TAF4: variants seen among roughly 807,000 people sequenced by gnomAD.
TAF4 encodes transcription initiation factor TFIID subunit 4.
A neutral mutation model predicts 90.3 loss-of-function variants in TAF4; 9 were observed. That is an observed-to-expected ratio of 0.10 (90% CI 0.06 to 0.17). TAF4 has a LOEUF of 0.17. Among genes scored for constraint, TAF4 ranks in the 10% least tolerant of loss-of-function variants. The pLI is 1.00. For synonymous variants in TAF4, 818 were observed against 638.9 expected, an observed-to-expected ratio of 1.28 and a Z score of -4.23; for missense variants, 1,351 against 1,370.7, an observed-to-expected ratio of 0.99 and a Z score of 0.23.
At chr20:62,047,104 T>C (rs780974581) in intron 1 of TAF4, among the ~76,000 whole-genome samples, 63 of 152,354 alleles carry the variant, frequency 4.1e-4, no homozygotes, top group Non-Finnish European at 6.9e-4. Context: ...TTCATGCTAC[T>C]TGTATCCTAG....
intron 1 of TAF4, among the ~76,000 whole-genome samples, chr20:62,029,870 C>A (rs1282752336): frequency 2.0e-5 from 3 of 152,170 alleles, no homozygotes; most frequent in African/African-American, 4.8e-5. Context: ...CGCGCCACTG[C>A]ACTCCAGCCT....
At chr20:61,980,559 G>C (rs1197656482) in intron 14 of TAF4, 1 of 152,324 alleles carries the variant, frequency 6.6e-6, no homozygotes, top group Admixed American at 6.5e-5. Context: ...CACAAGGCCA[G>C]GTCACTGGCA....
Position 62,000,634 on chromosome 20 carries a change from T to C in TAF4, c.2574A>G (p.Glu858=), listed in dbSNP as rs780506896. The C allele has an allele frequency of 1.1e-5, 18 of 1,614,274 alleles. No individual in the cohort carries two copies. In the Admixed American group the frequency reaches 2.8e-4, roughly 25 times the overall value. Residue 858 remains glutamate, a synonymous_variant, in exon 10 of 15, where the codon GAA becomes GAG. Transcript: ENST00000252996. The part of the protein sequence containing the change: ...ESARILATNS[E]LVGTLTRSCK... ...AGGACCGCGTTAGCGTGCCCACCAA[T>C]TCAGAGTTCGTGGCTAATATTCTTG...
chr20:61,990,543 G>A (rs2055624975), intron 14 of TAF4, among the ~76,000 whole-genome samples: 3 of 152,152 alleles, frequency 2.0e-5, no homozygotes, highest in Admixed American at 6.5e-5. Context: ...GGACCCCGAC[G>A]GGCCTGGACC....
chr20:62,013,947 G>A, intron 2 of TAF4, among the ~76,000 whole-genome samples: 1 of 146,696 alleles, frequency 6.8e-6, no homozygotes, highest in East Asian at 2.0e-4. Flanking sequence ...GTGTGTGTGT[G>A]TGTGAATCCG....
intron 11 of TAF4, 76 bp downstream of exon 11, chr20:62,000,048 G>T: frequency 6.2e-7 from 1 of 1,600,112 alleles, no homozygotes; most frequent in Non-Finnish European, 8.6e-7. Flanking sequence ...GCCTCGGTGT[G>T]GGGAGGAGGC....
At chr20:62,055,183 C>T (rs936246718) in intron 1 of TAF4, among the ~76,000 whole-genome samples, 6 of 147,382 alleles carry the variant, frequency 4.1e-5, no homozygotes, top group Non-Finnish European at 6.0e-5. Flanking sequence ...ACGCTGCCTG[C>T]GGGCAGTCCT....
At chr20:62,025,717 C>A (rs2055870895) in intron 1 of TAF4, among the ~76,000 whole-genome samples, 1 of 152,222 alleles carries the variant, frequency 6.6e-6, no homozygotes, top group African/African-American at 2.4e-5. Flanking sequence ...CTTTATAAGT[C>A]ACCCAGCCTT....
chr20:62,055,805 G>A (rs938894819), intron 1 of TAF4, among the ~76,000 whole-genome samples: 8 of 152,156 alleles, frequency 5.3e-5, no homozygotes, highest in Non-Finnish European at 1.0e-4. Context: ...CATTCCTGCT[G>A]ATCTGTTTGC....
chr20:62,063,734 C>T (rs1166282681), intron 1 of TAF4, among the ~76,000 whole-genome samples: 1 of 152,252 alleles, frequency 6.6e-6, no homozygotes, highest in African/African-American at 2.4e-5. Context: ...ACCAACGCAG[C>T]TCTGGAAGAG....
chr20:62,028,239 G>T (rs1199884066), intron 1 of TAF4, among the ~76,000 whole-genome samples: 1 of 152,154 alleles, frequency 6.6e-6, no homozygotes, highest in African/African-American at 2.4e-5. Context: ...GCCTACCAGG[G>T]CTTCTGGAAA....
chr20:61,989,332 A>G (rs897857469), intron 14 of TAF4, among the ~76,000 whole-genome samples: 1 of 152,110 alleles, frequency 6.6e-6, no homozygotes, highest in Non-Finnish European at 1.5e-5. Context: ...GGGCAGGGAA[A>G]GTGCACGTGG....
intron 1 of TAF4, among the ~76,000 whole-genome samples, chr20:62,048,855 A>G (rs1266789420): frequency 2.5e-5 from 1 of 39,660 alleles, no homozygotes; most frequent in Non-Finnish European, 4.8e-5. Context: ...CCCTCTCCCC[A>G]CATGCCCACC....
chr20:62,040,518 G>A lies in TAF4; in HGVS notation c.1360+23933C>T, dbSNP rs1275354444. Among the ~76,000 whole-genome samples the A allele has an allele frequency of 3.9e-5, 6 of 152,278 alleles. No homozygotes were observed. The East Asian group carries it at 1.2e-3, about 29-fold the overall frequency. ...GAGGCTACAGAATGATTCCGATCCT[G>A]TACTCGACGGTGGTGGTGACGTGAC... On this transcript the variant is annotated intron_variant, in intron 1 of 14. Transcript: ENST00000252996.
chr20:62,053,430 C>T (rs7268618), intron 1 of TAF4, among the ~76,000 whole-genome samples: 100,336 of 152,096 alleles, frequency 0.66, 33,270 homozygotes, highest in African/African-American at 0.73. Context: ...ATTAAGTGCC[C>T]GGTCAGGCAG....
At chr20:61,997,512 G>A (rs41284980) in intron 14 of TAF4, 38 bp downstream of exon 14, 77,861 of 1,515,366 alleles carry the variant, frequency 0.051, 2,324 homozygotes, top group Non-Finnish European at 0.06. Context: ...TGTTCCCCAT[G>A]TTTCCCCCAG....
intron 3 of TAF4, chr20:62,012,251 C>G (rs1171264656): frequency 6.6e-6 from 1 of 152,478 alleles, no homozygotes; most frequent in African/African-American, 2.4e-5. Flanking sequence ...GTGGCAGGCA[C>G]CGTGCAGGTG....
rs1354883504 is a variant in TAF4 at position 62,014,023 on chromosome 20, T to TGGGGGGGG, written c.1521+523_1521+524insCCCCCCCC. On this transcript the variant is annotated intron_variant, in intron 2 of 14. Coordinates refer to ENST00000252996, the MANE Select transcript of TAF4 (RefSeq NM_003185.4). ...GAAGGCTGACGCGGGGGTGTGGGTGTGTGTGTGTGTGTGTGTGTGTGTATG... is the reference window on the plus strand; with the variant it reads ...GAAGGCTGACGCGGGGGTGTGGGTGTGGGGGGGGGTGTGTGTGTGTGTGTGTGTGTATG... 1.5e-3 allele frequency among the ~76,000 whole-genome samples: 153 copies of TGGGGGGGG among 100,294 alleles called. 3 individuals are homozygous for TGGGGGGGG. In the East Asian group the frequency reaches 0.016, roughly 10 times the overall value. 65.8% of individuals were successfully genotyped at this position (100,294 alleles called of 152,430 possible).
chr20:62,028,746 C>G (rs1412038216), intron 1 of TAF4, among the ~76,000 whole-genome samples: 1 of 152,196 alleles, frequency 6.6e-6, no homozygotes, highest in Non-Finnish European at 1.5e-5. Flanking sequence ...CACCTGACCT[C>G]CAACACAGAT....
Sources: allele counts gnomAD v4.1 joint callset (sites outside exome capture counted in the v4.1 genomes callset), GRCh38; gene constraint gnomAD v4.1.1; transcripts MANE v1.5; gene names NCBI Gene and HGNC (gene_info 2026-07-23, HGNC 2026-07-21).